DGLUCY: variants seen among roughly 807,000 people sequenced by gnomAD.
DGLUCY encodes D-glutamate cyclase, mitochondrial.
DGLUCY carries 58 observed loss-of-function variants against 58.5 expected under a neutral mutation model. That is an observed-to-expected ratio of 0.99 (90% CI 0.80 to 1.23). The LOEUF (loss-of-function observed/expected upper bound fraction) is 1.23, where lower values mean the gene tolerates loss of function less well. Among genes scored for constraint, DGLUCY ranks in the 50% most tolerant of loss-of-function variants. DGLUCY has a pLI of 0.00. For missense variants in DGLUCY, 779 were observed against 784.7 expected, an observed-to-expected ratio of 0.99 and a Z score of 0.09; for synonymous variants, 325 against 314.1, an observed-to-expected ratio of 1.03 and a Z score of -0.37.
chr14:91,060,613 C>T, exon 1 of DGLUCY: 1 of 854,042 alleles, frequency 1.2e-6, no homozygotes, highest in Non-Finnish European at 1.6e-6. Context: ...CTCGCCTCCT[C>T]CCCCTTCGGC....
intron 1 of DGLUCY, among the ~76,000 whole-genome samples, chr14:91,142,269 T>G (rs1221225108): frequency 6.6e-6 from 1 of 152,216 alleles, no homozygotes; most frequent in Non-Finnish European, 1.5e-5. Flanking sequence ...CAATCATTTA[T>G]GCAGAGTCTA....
chr14:91,148,291 A>AC (rs2047121154), intron 1 of DGLUCY, among the ~76,000 whole-genome samples: 1 of 149,432 alleles, frequency 6.7e-6, no homozygotes, highest in African/African-American at 2.5e-5. Flanking sequence ...TGCAACCTCC[A>AC]CCCCCAAGGC....
At chr14:91,143,709 G>T (rs182403502) in intron 1 of DGLUCY, among the ~76,000 whole-genome samples, 111 of 152,228 alleles carry the variant, frequency 7.3e-4, no homozygotes, top group African/African-American at 2.6e-3. Flanking sequence ...ACCTGTGAGG[G>T]CCCAGCCACT....
At chr14:91,172,008 G>A (rs2048597044) in intron 5 of DGLUCY, among the ~76,000 whole-genome samples, 2 of 152,102 alleles carry the variant, frequency 1.3e-5, no homozygotes, top group Non-Finnish European at 2.9e-5. Flanking sequence ...CATGATATTG[G>A]ATGGGAAAAA....
chr14:91,157,119 GTGGA>G (rs57118948), intron 1 of DGLUCY, among the ~76,000 whole-genome samples: 13,640 of 130,462 alleles, frequency 0.1, 552 homozygotes, highest in Admixed American at 0.13. Flanking sequence ...GGATGGATGG[GTGGA>G]TGGATGGATG....
chr14:91,219,358 C>T (rs971392109), intron 13 of DGLUCY, among the ~76,000 whole-genome samples: 1 of 152,038 alleles, frequency 6.6e-6, no homozygotes, highest in South Asian at 2.1e-4. Flanking sequence ...CCTTCTAGGC[C>T]GCAGAACCCA....
At chr14:91,202,980 G>A (rs2050666774) in intron 11 of DGLUCY, among the ~76,000 whole-genome samples, 2 of 152,088 alleles carry the variant, frequency 1.3e-5, no homozygotes, top group South Asian at 2.1e-4. Context: ...AGGTTCCATG[G>A]GCAACTGCCA....
At chr14:91,125,303 C>T (rs545305734) in intron 1 of DGLUCY, among the ~76,000 whole-genome samples, 3 of 152,300 alleles carry the variant, frequency 2.0e-5, no homozygotes, top group African/African-American at 7.2e-5. Context: ...ATTTCAAACA[C>T]GTACTTGCTG....
Position 91,221,558 on chromosome 14 carries a change from GGGAT to G in DGLUCY, c.1717-3117_1717-3114del, listed in dbSNP as rs369080204. Among the ~76,000 whole-genome samples the G allele has an allele frequency of 5.4e-3, 814 of 151,780 alleles. 6 individuals are homozygous for G. Among genetic ancestry groups the G allele is most frequent in the African/African-American group, 0.019 (778 of 41,356 alleles). On this transcript the variant is annotated intron_variant, in intron 13 of 13. Coordinates refer to ENST00000256324, the MANE Select transcript of DGLUCY (RefSeq NM_001102368.3). ...GTAGGTGGGTGGATGGAGGGATGGA[GGGAT>G]GGATGGATAATAGATGGATGCATAG...
At chr14:91,201,591 C>T (rs575900557) in intron 11 of DGLUCY, among the ~76,000 whole-genome samples, 2 of 152,144 alleles carry the variant, frequency 1.3e-5, no homozygotes, top group South Asian at 4.2e-4. Flanking sequence ...GCCACCATGC[C>T]CGGCTGCTTG....
intron 12 of DGLUCY, among the ~76,000 whole-genome samples, chr14:91,205,510 C>G (rs1056223772): frequency 6.6e-6 from 1 of 152,112 alleles, no homozygotes; most frequent in Non-Finnish European, 1.5e-5. Flanking sequence ...AATGGAACCT[C>G]GTGGGAACCA....
chr14:91,091,002 C>T (rs1445871204), intron 1 of DGLUCY: 1 of 152,220 alleles, frequency 6.6e-6, no homozygotes, highest in Non-Finnish European at 1.5e-5. Flanking sequence ...GACTTTACCC[C>T]TGAAGGGCTA....
At chr14:91,156,704 A>G (rs939893973) in intron 1 of DGLUCY, among the ~76,000 whole-genome samples, 2 of 152,206 alleles carry the variant, frequency 1.3e-5, no homozygotes, top group Non-Finnish European at 2.9e-5. Context: ...TAAAGAGAAA[A>G]GAGAGAGCTC....
chr14:91,157,485 A>T (rs985354526), intron 1 of DGLUCY, among the ~76,000 whole-genome samples, 154 bp from the exon 2 acceptor site: 1 of 152,210 alleles, frequency 6.6e-6, no homozygotes, highest in Non-Finnish European at 1.5e-5. Context: ...GTGTGGGACT[A>T]TAGTGACAAA....
chr14:91,066,463 G>A (rs1256723461), intron 1 of DGLUCY, among the ~76,000 whole-genome samples: 2 of 151,314 alleles, frequency 1.3e-5, no homozygotes, highest in Non-Finnish European at 2.9e-5. Context: ...CTGCCAGAAC[G>A]GGGTCCGTGC....
intron 1 of DGLUCY, among the ~76,000 whole-genome samples, chr14:91,085,368 C>T (rs2044196289): frequency 6.6e-6 from 1 of 152,100 alleles, no homozygotes; most frequent in Admixed American, 6.6e-5. Flanking sequence ...AGGGCCAACT[C>T]AAAGGCCCCT....
intron 1 of DGLUCY, among the ~76,000 whole-genome samples, chr14:91,137,812 A>G (rs1316917186): frequency 6.6e-6 from 1 of 152,076 alleles, no homozygotes; most frequent in East Asian, 1.9e-4. Context: ...CACCTGCCTT[A>G]GGGAAGAGGA....
At chr14:91,193,584 TA>T (rs1272077424) in intron 9 of DGLUCY, among the ~76,000 whole-genome samples, 1 of 152,218 alleles carries the variant, frequency 6.6e-6, no homozygotes, top group South Asian at 2.1e-4. Context: ...CTCACCCCTG[TA>T]ATCCCAGCAC....
intron 1 of DGLUCY, among the ~76,000 whole-genome samples, chr14:91,068,254 G>T (rs544809353): frequency 8.5e-5 from 13 of 152,292 alleles, no homozygotes; most frequent in Non-Finnish European, 1.5e-4. Context: ...GGAACACTAG[G>T]ACGAAAGGGA....
Sources: gnomAD v4.1 joint callset for allele counts (sites outside exome capture counted in the v4.1 genomes callset) on GRCh38, gnomAD v4.1.1 for gene constraint, MANE v1.5 for transcripts, NCBI Gene and HGNC (gene_info 2026-07-23, HGNC 2026-07-21) for gene names.